Variants in SYT9 observed in about 807,000 individuals in gnomAD.
SYT9 encodes synaptotagmin 9.
Under a neutral mutation model 48.4 loss-of-function variants are expected in SYT9, and 22 were observed. That is an observed-to-expected ratio of 0.45 (90% CI 0.32 to 0.65). The LOEUF (loss-of-function observed/expected upper bound fraction) is 0.65, where lower values mean the gene tolerates loss of function less well. Ranked by LOEUF, SYT9 falls within the 30% of genes least tolerant of loss-of-function variation. The pLI, the probability that SYT9 is intolerant of heterozygous loss-of-function variation, is 0.03. For missense variants in SYT9, 577 were observed against 622.0 expected, an observed-to-expected ratio of 0.93 and a Z score of 0.77; for synonymous variants, 265 against 245.0, an observed-to-expected ratio of 1.08 and a Z score of -0.76.
At chr11:7,367,923 G>A (rs989568457) in intron 3 of SYT9, among the ~76,000 whole-genome samples, 1 of 152,154 alleles carries the variant, frequency 6.6e-6, no homozygotes, top group Non-Finnish European at 1.5e-5. Flanking sequence ...TAAGAGCCTT[G>A]TATATGATCT....
intron 1 of SYT9, among the ~76,000 whole-genome samples, chr11:7,271,383 A>T (rs1848293538): frequency 1.3e-5 from 2 of 152,100 alleles, no homozygotes; most frequent in Admixed American, 1.3e-4. Context: ...CTTCAAAAGC[A>T]ACACTCCTAT....
chr11:7,278,211 C>G (rs1848433275), intron 1 of SYT9, among the ~76,000 whole-genome samples: 1 of 152,138 alleles, frequency 6.6e-6, no homozygotes. Flanking sequence ...CTCTCTTCTT[C>G]TTATAAAGCA....
intron 1 of SYT9, among the ~76,000 whole-genome samples, chr11:7,262,919 GTATT>G (rs753125561): frequency 1.2e-3 from 190 of 152,218 alleles, no homozygotes; most frequent in Middle Eastern, 3.4e-3. Flanking sequence ...ATCAAGGGTT[GTATT>G]TATTTATTTA....
In SYT9 at chr11:7,252,377, T is replaced by G. The variant is rs1847888864; in HGVS notation, c.145+46T>G. The G allele has an allele frequency of 1.4e-6, 2 of 1,383,640 alleles. No individual in the cohort carries two copies. Among genetic ancestry groups the G allele is most frequent in the East Asian group, 6.1e-5 (2 of 32,612 alleles). 85.7% of individuals were successfully genotyped at this position (1,383,640 alleles called of 1,614,324 possible). A position where few individuals can be genotyped will look rare whatever the true frequency, so the allele number is the denominator to read the frequency against. On this transcript the variant is annotated intron_variant, in intron 1 of 6. Transcript: ENST00000318881. This position sits in a 1 kb window ranked among gnomAD's most constrained non-coding sequence, Gnocchi z 6.3. ...CTGGAGGGACCTAAGGGCCCTGGGC[T>G]GGGACTTGGGGCCGCACCGGGGCCT...
intron 2 of SYT9, among the ~76,000 whole-genome samples, chr11:7,308,254 T>C (rs1381523235): frequency 1.3e-5 from 2 of 152,214 alleles, no homozygotes; most frequent in African/African-American, 4.8e-5. Flanking sequence ...TTTGCTTCTC[T>C]CTTTTTTCTC....
At chr11:7,400,372 CA>C (rs945992773) in intron 3 of SYT9, among the ~76,000 whole-genome samples, 132 of 152,168 alleles carry the variant, frequency 8.7e-4, no homozygotes, top group African/African-American at 2.9e-3. Flanking sequence ...CTTACATATG[CA>C]AAAAATATAC....
At chr11:7,405,296 T>C (rs1457279472) in intron 3 of SYT9, among the ~76,000 whole-genome samples, 2 of 152,122 alleles carry the variant, frequency 1.3e-5, no homozygotes, top group African/African-American at 4.8e-5. Context: ...ACCCACTAGA[T>C]ATCAGTAACA....
chr11:7,431,798 A>T (rs80265465), intron 6 of SYT9, among the ~76,000 whole-genome samples: 11 of 152,348 alleles, frequency 7.2e-5, no homozygotes, highest in African/African-American at 1.7e-4. Context: ...GGCAGCTTCC[A>T]TGTGGCATTA....
At chr11:7,450,293 A>G (rs1848023841) in intron 6 of SYT9, 1 of 152,214 alleles carries the variant, frequency 6.6e-6, no homozygotes, top group African/African-American at 2.4e-5. Flanking sequence ...CCAATGACTT[A>G]GGACTCGGGC....
chr11:7,245,747 T>C (rs7124823), intron 1 of SYT9, among the ~76,000 whole-genome samples: 19,707 of 152,246 alleles, frequency 0.13, 1,390 homozygotes, highest in African/African-American at 0.15. Flanking sequence ...AACTCACCCT[T>C]TTATAACAGC....
At chr11:7,380,740 C>T (rs1850545646) in intron 3 of SYT9, among the ~76,000 whole-genome samples, 1 of 152,170 alleles carries the variant, frequency 6.6e-6, no homozygotes, top group African/African-American at 2.4e-5. Context: ...TCTACTGATA[C>T]AGCCTAAAGC....
At chr11:7,458,598 AC>A (rs1397991235) in intron 6 of SYT9, among the ~76,000 whole-genome samples, 1 of 152,246 alleles carries the variant, frequency 6.6e-6, no homozygotes, top group African/African-American at 2.4e-5. Context: ...TGTAGGGCTC[AC>A]AAACAATTGC....
rs1293407087 is a variant in SYT9 at position 7,252,347 on chromosome 11, G to A, written c.145+16G>A. ...CGCGACCCAGGTGAGTGCCGCCACC[G>A]CCGCCTGGAGGGACCTAAGGGCCCT... is the stretch of plus-strand genomic sequence containing the variant. On this transcript the variant is annotated intron_variant, in intron 1 of 6. Coordinates refer to ENST00000318881, the MANE Select transcript of SYT9 (RefSeq NM_175733.4). The surrounding 1 kb of genome is among the most constrained non-coding windows in gnomAD (Gnocchi z 6.3). 3 of 1,449,654 alleles carry A rather than the reference G, an allele frequency of 2.1e-6. No homozygotes were observed. The highest frequency in any genetic ancestry group is 2.7e-5 in the Admixed American group (1 of 36,700). The allele number at this position is 1,449,654 out of a possible 1,614,324, so 89.8% of individuals were successfully genotyped here.
At chr11:7,267,792 A>G (rs1848215913) in intron 1 of SYT9, among the ~76,000 whole-genome samples, 1 of 151,900 alleles carries the variant, frequency 6.6e-6, no homozygotes, top group Non-Finnish European at 1.5e-5. Context: ...GTGTTAATAA[A>G]TAAAACCCAG....
rs187187059 is a variant in SYT9, at chr11:7,371,524, T to C, written c.1045-44518T>C. Among the ~76,000 whole-genome samples, 18 of 152,312 alleles carry C rather than the reference T, an allele frequency of 1.2e-4. No individual in the cohort carries two copies. In the East Asian group the frequency reaches 3.3e-3, roughly 28 times the overall value. On this transcript the variant is annotated intron_variant, in intron 3 of 6. Transcript: ENST00000318881. The stretch of plus-strand genomic sequence containing the variant: ...AAAAAGCTGTCTTTATATTGAGGTA[T>C]AGTTTACATTTAATAAAATGCATAC...
intron 3 of SYT9, among the ~76,000 whole-genome samples, chr11:7,322,098 G>A (rs986070311): frequency 6.6e-6 from 1 of 152,102 alleles, no homozygotes; most frequent in Admixed American, 6.5e-5. Context: ...GGGCAGGGAT[G>A]GGGGAAGGAA....
At chr11:7,378,450 T>A (rs1422432627) in intron 3 of SYT9, among the ~76,000 whole-genome samples, 1 of 151,984 alleles carries the variant, frequency 6.6e-6, no homozygotes, top group East Asian at 1.9e-4. Flanking sequence ...TTTCAGAGAC[T>A]GAAGGAAAAG....
intron 1 of SYT9, among the ~76,000 whole-genome samples, chr11:7,285,005 G>A (rs1848570487): frequency 6.6e-6 from 1 of 151,964 alleles, no homozygotes; most frequent in Non-Finnish European, 1.5e-5. Flanking sequence ...CCTAACTATG[G>A]AGTTTGGGCA....
At chr11:7,263,141 A>G (rs566954238) in intron 1 of SYT9, among the ~76,000 whole-genome samples, 191 of 152,328 alleles carry the variant, frequency 1.3e-3, no homozygotes, top group Middle Eastern at 3.4e-3. Context: ...AGATGAGCTT[A>G]CTGTCTTAGT....
Sources: gnomAD v4.1 joint callset for allele counts (sites outside exome capture counted in the v4.1 genomes callset) on GRCh38, gnomAD v4.1.1 for gene constraint, Gnocchi (gnomAD v3.1) non-coding constraint, MANE v1.5 for transcripts, NCBI Gene and HGNC (gene_info 2026-07-23, HGNC 2026-07-21) for gene names.